RABGAP1L: variants seen among roughly 807,000 people sequenced by gnomAD.
RABGAP1L encodes the protein rab GTPase-activating protein 1-like.
RABGAP1L carries 63 observed loss-of-function variants against 137.7 expected under a neutral mutation model. That is an observed-to-expected ratio of 0.46 (90% CI 0.37 to 0.56). The LOEUF is 0.56. Ranked by LOEUF, RABGAP1L falls within the 20% of genes least tolerant of loss-of-function variation. The pLI is 0.00. For synonymous variants in RABGAP1L, 431 were observed against 433.7 expected, an observed-to-expected ratio of 0.99 and a Z score of 0.08; for missense variants, 1,095 against 1,244.0, an observed-to-expected ratio of 0.88 and a Z score of 1.80.
intron 11 of RABGAP1L, among the ~76,000 whole-genome samples, chr1:174,343,859 A>G (rs1443776875): frequency 1.3e-5 from 2 of 152,138 alleles, no homozygotes; most frequent in African/African-American, 4.8e-5. Context: ...TTACTAGGAA[A>G]ACCAGAAATA....
chr1:174,547,949 T>C, intron 13 of RABGAP1L: 2 of 1,550,518 alleles, frequency 1.3e-6, no homozygotes, highest in Non-Finnish European at 8.7e-7. Flanking sequence ...GACATTAGAC[T>C]TGATGTTCTG....
chr1:174,881,890 T>G (rs762435737), intron 19 of RABGAP1L, among the ~76,000 whole-genome samples: 5 of 152,178 alleles, frequency 3.3e-5, no homozygotes, highest in Non-Finnish European at 7.3e-5. Flanking sequence ...AGATGCAGTT[T>G]CGCACTTGTT....
intron 15 of RABGAP1L, among the ~76,000 whole-genome samples, chr1:174,684,926 A>G (rs1678345042): frequency 6.6e-6 from 1 of 152,206 alleles, no homozygotes; most frequent in African/African-American, 2.4e-5. Context: ...GGCTGCAGTA[A>G]GCCTTGATTG....
intron 11 of RABGAP1L, among the ~76,000 whole-genome samples, chr1:174,324,422 G>C (rs547377266): frequency 1.8e-4 from 28 of 152,246 alleles, no homozygotes; most frequent in Admixed American, 2.6e-4. Context: ...GGAAACACAG[G>C]GGGGAGGAAG....
intron 11 of RABGAP1L, among the ~76,000 whole-genome samples, chr1:174,306,902 A>T (rs1678316858): frequency 6.6e-6 from 1 of 152,024 alleles, no homozygotes; most frequent in Non-Finnish European, 1.5e-5. Context: ...AAATTTCTTA[A>T]TTTTTATTAT....
At chr1:174,198,173 A>G (rs1355681266) in intron 1 of RABGAP1L, among the ~76,000 whole-genome samples, 1 of 152,182 alleles carries the variant, frequency 6.6e-6, no homozygotes, top group Non-Finnish European at 1.5e-5. Flanking sequence ...CTGACTATAA[A>G]AGTGATTGAA....
Position 174,590,344 on chromosome 1 carries a change from T to TA in RABGAP1L, c.1711-47031_1711-47030insA, listed in dbSNP as rs1669503265. Among the ~76,000 whole-genome samples the TA allele has an allele frequency of 3.7e-5, 5 of 135,080 alleles. No individual in the cohort carries two copies. The South Asian group carries it at 9.5e-4, about 26-fold the overall frequency. The allele number at this position is 135,080 out of a possible 152,430, so 88.6% of individuals were successfully genotyped here. A position where few individuals can be genotyped will look rare whatever the true frequency, so the allele number is the denominator to read the frequency against. On this transcript the variant is annotated intron_variant, in intron 13 of 25. Transcript: ENST00000681986. ...CTGTATTGTTTTTTTTTCTTTTTTTTTTTATTTATTTTTTTTTTATTATAC... is the reference window on the plus strand; with the variant it reads ...CTGTATTGTTTTTTTTTCTTTTTTTTATTTATTTATTTTTTTTTTATTATAC...
intron 13 of RABGAP1L, among the ~76,000 whole-genome samples, chr1:174,515,068 A>G (rs1572128783): frequency 6.6e-6 from 1 of 152,154 alleles, no homozygotes. Context: ...ATTGAAGAAG[A>G]GTGTATATTT....
chr1:174,747,787 A>G (rs963726957), intron 17 of RABGAP1L, among the ~76,000 whole-genome samples: 9 of 152,146 alleles, frequency 5.9e-5, no homozygotes, highest in African/African-American at 2.2e-4. Context: ...ATCATTATTA[A>G]TAATGACAAT....
intron 13 of RABGAP1L, among the ~76,000 whole-genome samples, chr1:174,566,881 A>G (rs558061017): frequency 4.5e-4 from 69 of 152,288 alleles, no homozygotes; most frequent in Middle Eastern, 6.8e-3. Flanking sequence ...ACAACTATGT[A>G]GAAAATTTTC....
intron 11 of RABGAP1L, chr1:174,367,847 T>G (rs1468198793): frequency 6.2e-6 from 1 of 162,056 alleles, no homozygotes; most frequent in Non-Finnish European, 1.4e-5. Flanking sequence ...GAGTACCCAT[T>G]GTATTCTCAT....
At chr1:174,210,860 A>C (rs1668834096) in intron 1 of RABGAP1L, among the ~76,000 whole-genome samples, 1 of 152,206 alleles carries the variant, frequency 6.6e-6, no homozygotes, top group South Asian at 2.1e-4. Flanking sequence ...AGAGAGAAGA[A>C]ACAAATAACA....
intron 13 of RABGAP1L, among the ~76,000 whole-genome samples, chr1:174,635,378 T>G (rs1441879393): frequency 6.6e-6 from 1 of 152,212 alleles, no homozygotes; most frequent in East Asian, 1.9e-4. Flanking sequence ...AACTATTAAC[T>G]TATCGGAAGA....
chr1:174,542,263 A>G (rs1178121335), intron 13 of RABGAP1L, among the ~76,000 whole-genome samples: 1 of 152,130 alleles, frequency 6.6e-6, no homozygotes, highest in Non-Finnish European at 1.5e-5. Context: ...TATTGCCTCA[A>G]TTTCAGAGCC....
At chr1:174,945,433 T>C (rs1281838415) in intron 19 of RABGAP1L, 1 of 152,236 alleles carries the variant, frequency 6.6e-6, no homozygotes, top group Non-Finnish European at 1.5e-5. Context: ...CATGGTATAC[T>C]AACTTGATAT....
intron 19 of RABGAP1L, among the ~76,000 whole-genome samples, chr1:174,876,789 T>A (rs181274310): frequency 9.2e-5 from 14 of 152,312 alleles, no homozygotes; most frequent in African/African-American, 3.1e-4. Flanking sequence ...TTATTTTTTT[T>A]AGTAGGAAAA....
At chr1:174,719,363 C>T (rs1321489083) in intron 17 of RABGAP1L, among the ~76,000 whole-genome samples, 2 of 152,126 alleles carry the variant, frequency 1.3e-5, no homozygotes, top group Non-Finnish European at 2.9e-5. Flanking sequence ...TATCTTCAAC[C>T]TTCAAATCTA....
intron 13 of RABGAP1L, among the ~76,000 whole-genome samples, chr1:174,568,517 T>G (rs180934149): frequency 6.6e-6 from 1 of 152,352 alleles, no homozygotes; most frequent in African/African-American, 2.4e-5. Context: ...TACCATTTTT[T>G]ATCATTGTTA....
intron 12 of RABGAP1L, among the ~76,000 whole-genome samples, chr1:174,372,982 T>G (rs182113486): frequency 1.3e-5 from 2 of 152,336 alleles, no homozygotes; most frequent in Non-Finnish European, 2.9e-5. Context: ...TCTATTGAAA[T>G]GATGTTCAGT....
Sources: gnomAD v4.1 joint callset for allele counts (sites outside exome capture counted in the v4.1 genomes callset) on GRCh38, gnomAD v4.1.1 for gene constraint, MANE v1.5 for transcripts, NCBI Gene and HGNC (gene_info 2026-07-23, HGNC 2026-07-21) for gene names.